The following WNK1 variants were observed in gnomAD, a reference collection of about 807,000 sequenced individuals.
The protein encoded by WNK1 is serine/threonine-protein kinase WNK1.
A neutral mutation model predicts 222.8 loss-of-function variants in WNK1; 38 were observed. That is an observed-to-expected ratio of 0.17 (90% CI 0.13 to 0.22). The LOEUF (loss-of-function observed/expected upper bound fraction) is 0.22. Ranked by LOEUF, WNK1 falls within the 10% of genes least tolerant of loss-of-function variation. WNK1 has a pLI of 1.00. For synonymous variants in WNK1, 1,090 were observed against 1,092.9 expected (o/e 1.00, Z 0.05); for missense variants, 2,348 against 2,918.4 (o/e 0.80, Z 4.50).
In WNK1 at chr12:865,261, T is replaced by C. The variant is rs1218729720; in HGVS notation, c.2139+2991T>C. 7 of 1,536,008 alleles carry C rather than the reference T, an allele frequency of 4.6e-6. No homozygotes were observed. The highest frequency in any genetic ancestry group is 1.4e-5 in the African/African-American group (1 of 73,032). On this transcript the variant is annotated intron_variant, in intron 8 of 27. Coordinates refer to ENST00000315939, the MANE Select transcript of WNK1 (RefSeq NM_018979.4). ...CCTCCGGACTGCCCCGAGGAAACTT[T>C]TGCCGAAAAGCTTTCTAAAGCATTG...
Position 827,574 on chromosome 12 carries a change from G to A in WNK1, c.1153+312G>A. On this transcript the variant is annotated intron_variant, in intron 3 of 27. Transcript: ENST00000315939. The surrounding 1 kb of genome is among the most constrained non-coding windows in gnomAD (Gnocchi z 4.6). ...GATGGAGTCTCTCTCTGTCACCCAG[G>A]CTAGAGTGCAGTGGCACAATCTCAG... is the stretch of plus-strand genomic sequence containing the variant. 1 of 426,428 alleles carries A rather than the reference G, an allele frequency of 2.3e-6. No homozygotes were observed. Among genetic ancestry groups the A allele is most frequent in the East Asian group, 4.1e-5 (1 of 24,158 alleles). The allele number at this position is 426,428 out of a possible 1,614,324, so 26.4% of individuals were successfully genotyped here. A position where few individuals can be genotyped will look rare whatever the true frequency, so the allele number is the denominator to read the frequency against.
Position 900,516 on chromosome 12 carries a change from C to T in WNK1, c.6489C>T (p.Pro2163=), listed in dbSNP as rs1417408069. Reference sequence around the variant, plus strand: ...AGAGTGCAGCTTCAGTCTTGCACCCCCAGCAGACCCTCCACCCTCCTGGCA... The same window carrying T: ...AGAGTGCAGCTTCAGTCTTGCACCCTCAGCAGACCCTCCACCCTCCTGGCA... ...SGQSAASVLH[P]QQTLHPPGNI... Residue 2163 remains proline (P), a synonymous_variant, in exon 26 of 28, where the codon CCC becomes CCT. Coordinates refer to ENST00000315939, the MANE Select transcript of WNK1 (RefSeq NM_018979.4). 1.9e-6 allele frequency: 3 copies of T among 1,614,116 alleles called. No homozygotes were observed. Among genetic ancestry groups the T allele is most frequent in the Non-Finnish European group, 2.5e-6 (3 of 1,180,016 alleles).
intron 1 of WNK1, among the ~76,000 whole-genome samples, chr12:770,735 A>G (rs971539088): frequency 1.3e-5 from 2 of 152,158 alleles, no homozygotes; most frequent in Non-Finnish European, 2.9e-5. Context: ...GTGGTTTGTG[A>G]TGCTTTTCAT....
intron 9 of WNK1, 22 bp from the exon 10 acceptor site, chr12:878,190 A>G: frequency 1.2e-6 from 2 of 1,613,914 alleles, no homozygotes; most frequent in Non-Finnish European, 1.7e-6. Context: ...AATAAAACTG[A>G]ATCATTGTAT....
chr12:857,367 GC>G, intron 5 of WNK1, 118 bp downstream of exon 5: 1 of 957,686 alleles, frequency 1.0e-6, no homozygotes, highest in South Asian at 1.4e-5. Flanking sequence ...CTCTATTTGT[GC>G]CTGTAACATT....
rs776444214 is a variant in WNK1 at position 880,705 on chromosome 12, C to G, written c.2833-16C>G. 1.2e-6 allele frequency: 2 copies of G among 1,613,136 alleles called. No homozygotes were observed. The highest frequency in any genetic ancestry group is 1.7e-6 in the Non-Finnish European group (2 of 1,179,914). On this transcript the variant is annotated splice_polypyrimidine_tract_variant and intron_variant, in intron 11 of 27. Transcript: ENST00000315939. ...CCCCAACCTGCTCTAACTCACCTTC[C>G]TCATTTCTGTCACAGGGCTTCCCAC...
At chr12:896,820 A>G (rs780780325) in intron 24 of WNK1, 88 bp downstream of exon 24, 66 of 1,430,326 alleles carry the variant, frequency 4.6e-5, no homozygotes, top group Non-Finnish European at 6.0e-5. Flanking sequence ...TTTTCGCCAC[A>G]ATATGCTAAT....
intron 1 of WNK1, among the ~76,000 whole-genome samples, chr12:800,211 G>A (rs1393349609): frequency 6.6e-6 from 1 of 152,046 alleles, no homozygotes; most frequent in Non-Finnish European, 1.5e-5. Flanking sequence ...AAATTATAAA[G>A]TTAAAAGAAG....
At chr12:816,326 G>A (rs201123346) in intron 2 of WNK1, among the ~76,000 whole-genome samples, 1 of 152,110 alleles carries the variant, frequency 6.6e-6, no homozygotes, top group South Asian at 2.1e-4. Flanking sequence ...ACAGAGTGCA[G>A]CAGCACAATC....
intron 25 of WNK1, among the ~76,000 whole-genome samples, chr12:900,016 C>CTTTTTTTTT (rs11433731): frequency 3.3e-5 from 4 of 119,634 alleles, no homozygotes; most frequent in Non-Finnish European, 5.0e-5. Flanking sequence ...GGATTCTTTT[C>CTTTTTTTTT]TTTTTTTTTT....
chr12:880,140 C>A, intron 11 of WNK1, 109 bp downstream of exon 11: 2 of 1,073,144 alleles, frequency 1.9e-6, no homozygotes, highest in Non-Finnish European at 2.8e-6. Context: ...AATAACATGT[C>A]AACTAGAGAA....
intron 2 of WNK1, among the ~76,000 whole-genome samples, chr12:824,216 CTTTTTTTTT>C (rs1207566592): frequency 1.6e-5 from 2 of 126,124 alleles, no homozygotes; most frequent in African/African-American, 5.8e-5. Context: ...GCAGAGACAT[CTTTTTTTTT>C]TTTTTTTTTG....
At chr12:889,244 T>A (rs979880952) in intron 21 of WNK1, 21 bp downstream of exon 21, 1 of 1,591,486 alleles carries the variant, frequency 6.3e-7, no homozygotes, top group African/African-American at 1.3e-5. Flanking sequence ...AAAATCTTGA[T>A]AAAATCTCCT....
chr12:889,098 A>G (rs1592191914), intron 20 of WNK1, 42 bp from the exon 21 acceptor site: 12 of 1,531,674 alleles, frequency 7.8e-6, no homozygotes, highest in Non-Finnish European at 1.1e-5. Context: ...GTGACTCTGA[A>G]GGTGCCACGG....
At position 885,947 on chromosome 12, in the gene WNK1, A is replaced by G. The variant is rs1434014769; in HGVS notation, c.5143A>G (p.Asn1715Asp). 3 of 1,595,902 alleles carry G rather than the reference A, an allele frequency of 1.9e-6. No homozygotes were observed. The highest frequency in any genetic ancestry group is 1.7e-5 in the Admixed American group (1 of 58,088). The change falls in exon 19 of 28, where the codon AAT becomes GAT. Residue 1715 changes from asparagine to aspartate, a missense_variant. Transcript: ENST00000315939. Reference protein sequence around the residue: ...STTSTCLPPTNLPLGTVALPV... With the variant: ...STTSTCLPPTDLPLGTVALPV... ...CACAAGTACTTGCTTACCACCAACCAATTTACCACTAGGAACAGTTGCTTT... is the reference window on the plus strand; with the variant it reads ...CACAAGTACTTGCTTACCACCAACCGATTTACCACTAGGAACAGTTGCTTT...
chr12:794,279 G>A lies in WNK1; in HGVS notation c.760-19363G>A, dbSNP rs139482414. ...ATTTCTCTTGAGCAGATAGTAAAGA[G>A]TGAAATTGCTGGGTTATATGGTAAT... On this transcript the variant is annotated intron_variant, in intron 1 of 27. Transcript: ENST00000315939. Among the ~76,000 whole-genome samples, 142 of 152,232 alleles carry A rather than the reference G, an allele frequency of 9.3e-4. 2 individuals are homozygous for A. The highest frequency in any genetic ancestry group is 7.7e-3 in the South Asian group (37 of 4,820).
chr12:827,613 C>T lies in WNK1; in HGVS notation c.1153+351C>T. 1 of 271,956 alleles carries T rather than the reference C, an allele frequency of 3.7e-6. No homozygotes were observed. The highest frequency in any genetic ancestry group is 7.0e-6 in the Non-Finnish European group (1 of 142,000). 16.8% of individuals were successfully genotyped at this position (271,956 alleles called of 1,614,324 possible). ...GCACAATCTCAGCTCACTGCAACCT[C>T]CACCCACCGGGTTCAAGCGATTCTT... On this transcript the variant is annotated intron_variant, in intron 3 of 27. Coordinates refer to ENST00000315939, the MANE Select transcript of WNK1 (RefSeq NM_018979.4). This position sits in a 1 kb window ranked among gnomAD's most constrained non-coding sequence, Gnocchi z 4.6.
At chr12:803,952 C>G (rs1009123331) in intron 1 of WNK1, among the ~76,000 whole-genome samples, 7 of 152,156 alleles carry the variant, frequency 4.6e-5, no homozygotes, top group Non-Finnish European at 8.8e-5. Context: ...TTAATGCAGA[C>G]AACTCTATTT....
chr12:909,051 CTATA>C lies in WNK1; in HGVS notation c.*260_*263del. On this transcript the variant is annotated 3_prime_UTR_variant, in exon 28 of 28. Transcript: ENST00000315939. Reference sequence around the variant, plus strand: ...CTTCAGACCATGCTTTCCTGTTTATCTATACTCAGTAATGAGGATGAGGGCTAGG... The same window carrying C: ...CTTCAGACCATGCTTTCCTGTTTATCCTCAGTAATGAGGATGAGGGCTAGG... 1 of 509,036 alleles carries C rather than the reference CTATA, an allele frequency of 2.0e-6. No homozygotes were observed. The highest frequency in any genetic ancestry group is 3.6e-6 in the Non-Finnish European group (1 of 279,696). The allele number at this position is 509,036 out of a possible 1,614,324, so 31.5% of individuals were successfully genotyped here. A position where few individuals can be genotyped will look rare whatever the true frequency, so the allele number is the denominator to read the frequency against.
Sources: gnomAD v4.1 joint callset for allele counts (sites outside exome capture counted in the v4.1 genomes callset) on GRCh38, gnomAD v4.1.1 for gene constraint, Gnocchi (gnomAD v3.1) non-coding constraint, MANE v1.5 for transcripts, NCBI Gene and HGNC (gene_info 2026-07-23, HGNC 2026-07-21) for gene names.